The following UBR4 variants were observed in gnomAD, a reference collection of about 807,000 sequenced individuals.
The protein encoded by UBR4 is ubiquitin protein ligase E3 component n-recognin 4.
Under a neutral mutation model 575.6 loss-of-function variants are expected in UBR4, and 124 were observed. The observed-to-expected ratio is 0.22, with a 90% confidence interval of 0.19 to 0.25. The LOEUF (loss-of-function observed/expected upper bound fraction) is 0.25. Among genes scored for constraint, UBR4 ranks in the 10% least tolerant of loss-of-function variants. UBR4 has a pLI of 1.00. For synonymous variants in UBR4, 2,455 were observed against 2,473.7 expected, an observed-to-expected ratio of 0.99 and a Z score of 0.22; for missense variants, 4,818 against 6,478.8, an observed-to-expected ratio of 0.74 and a Z score of 8.80.
At chr1:19,105,230 A>C in intron 84 of UBR4, 41 bp from the exon 85 acceptor site, 1 of 1,591,192 alleles carries the variant, frequency 6.3e-7, no homozygotes, top group Non-Finnish European at 8.5e-7. Context: ...CAAGAACTCT[A>C]GCATTTCGAA....
chr1:19,087,034 G>A (rs1033243149), intron 99 of UBR4, among the ~76,000 whole-genome samples: 2 of 152,258 alleles, frequency 1.3e-5, no homozygotes, highest in Admixed American at 6.5e-5. Flanking sequence ...AAGGATTATG[G>A]GAGCAACCAG....
At chr1:19,175,460 C>T (rs1450556119) in intron 20 of UBR4, among the ~76,000 whole-genome samples, 1 of 152,196 alleles carries the variant, frequency 6.6e-6, no homozygotes, top group African/African-American at 2.4e-5. Flanking sequence ...AGTAAACTCA[C>T]ACTAAGGCTT....
At chr1:19,119,782 T>C in intron 69 of UBR4, 81 bp from the exon 70 acceptor site, 1 of 1,516,936 alleles carries the variant, frequency 6.6e-7, no homozygotes, top group Non-Finnish European at 8.9e-7. Flanking sequence ...CTCTGGTACC[T>C]CAATTTCCCC....
At chr1:19,111,505 G>T (rs2079869483) in intron 78 of UBR4, 2 of 152,356 alleles carry the variant, frequency 1.3e-5, no homozygotes, top group African/African-American at 4.8e-5. Context: ...TAGGCATGCA[G>T]CCCACTGCTG....
intron 102 of UBR4, among the ~76,000 whole-genome samples, chr1:19,083,296 C>T (rs1278548960): frequency 6.6e-6 from 1 of 152,150 alleles, no homozygotes; most frequent in South Asian, 2.1e-4. Flanking sequence ...AGCCTGTGGT[C>T]TCGAGGTCAG....
intron 103 of UBR4, 112 bp downstream of exon 103, chr1:19,081,237 A>G: frequency 1.1e-6 from 1 of 933,682 alleles, no homozygotes; most frequent in South Asian, 1.6e-5. Flanking sequence ...GCTGGTGTCA[A>G]CCACCGCAGT....
At position 19,168,337 on chromosome 1, in the gene UBR4, G is replaced by C. The variant is rs538459073; in HGVS notation, c.3742-153C>G. 6.6e-5 allele frequency among the ~76,000 whole-genome samples: 10 copies of C among 152,346 alleles called. No homozygotes were observed. The East Asian group carries it at 1.9e-3, about 29-fold the overall frequency. On this transcript the variant is annotated intron_variant, in intron 27 of 105. Coordinates refer to ENST00000375254, the MANE Select transcript of UBR4 (RefSeq NM_020765.3). ...TACACTGTTATTCATGCTGGGAAGG[G>C]AAGTGGGGTACAGAAAAGGAAGCAG...
Position 19,100,276 on chromosome 1 carries a change from C to T in UBR4, c.13221+100G>A. 3 of 1,359,130 alleles carry T rather than the reference C, an allele frequency of 2.2e-6. No homozygotes were observed. Among genetic ancestry groups the T allele is most frequent in the Non-Finnish European group, 3.1e-6 (3 of 966,886 alleles). The allele number at this position is 1,359,130 out of a possible 1,614,324, so 84.2% of individuals were successfully genotyped here. ...AGTGGAGAAACTGAAGGCCACCTGC[C>T]CCAAGTTAATCAGCTACTAGGAAGA... On this transcript the variant is annotated intron_variant, in intron 89 of 105. Transcript: ENST00000375254. This position sits in a 1 kb window ranked among gnomAD's most constrained non-coding sequence, Gnocchi z 4.2.
At chr1:19,169,157 T>C (rs74056772) in intron 27 of UBR4, among the ~76,000 whole-genome samples, 1,577 of 152,296 alleles carry the variant, frequency 0.01, 25 homozygotes, top group African/African-American at 0.036. Flanking sequence ...ATTCAATACA[T>C]TGAATCGTCA....
Position 19,110,734 on chromosome 1 carries a change from C to T in UBR4, c.11892+8G>A, listed in dbSNP as rs372384301. On this transcript the variant is annotated splice_region_variant and intron_variant, in intron 79 of 105. Coordinates refer to ENST00000375254, the MANE Select transcript of UBR4 (RefSeq NM_020765.3). The surrounding 1 kb of genome is among the most constrained non-coding windows in gnomAD (Gnocchi z 4.5). Reference sequence around the variant, plus strand: ...GAGAGGACAGCTGGGCCTGCTAGGCCGGCTCACCAGATCGGGGTTGGCCCA... The same window carrying T: ...GAGAGGACAGCTGGGCCTGCTAGGCTGGCTCACCAGATCGGGGTTGGCCCA... 227 of 1,613,788 alleles carry T rather than the reference C, an allele frequency of 1.4e-4. No homozygotes were observed. The highest frequency in any genetic ancestry group is 1.7e-4 in the Middle Eastern group (1 of 5,912).
chr1:19,099,752 T>C (rs758819219), intron 89 of UBR4, 75 bp from the exon 90 acceptor site: 27 of 1,307,048 alleles, frequency 2.1e-5, no homozygotes, highest in Non-Finnish European at 2.9e-5. Flanking sequence ...AAAGGGCACC[T>C]TACGGCAATG....
At position 19,152,289 on chromosome 1, in the gene UBR4, A is replaced by C; in HGVS notation, c.6996+24T>G. The C allele has an allele frequency of 6.2e-7, 1 of 1,612,814 alleles. No homozygotes were observed. ...TTTGAGTCCTTCTACCCAGGGATTG[A>C]TCCCAGCCCAGTGCCATTCTTACCT... On this transcript the variant is annotated intron_variant, in intron 47 of 105. Coordinates refer to ENST00000375254, the MANE Select transcript of UBR4 (RefSeq NM_020765.3). The surrounding 1 kb of genome is among the most constrained non-coding windows in gnomAD (Gnocchi z 4.4).
intron 64 of UBR4, among the ~76,000 whole-genome samples, chr1:19,124,967 G>A (rs1292726737): frequency 6.6e-6 from 1 of 151,670 alleles, no homozygotes; most frequent in Non-Finnish European, 1.5e-5. Context: ...TGGGTTGATT[G>A]TACTCTGCCT....
In UBR4 at chr1:19,094,996, G is replaced by A. The variant is rs746762401; in HGVS notation, c.13656C>T (p.Asp4552=). ...GCTCAGCCACAGCTGCACCCCCACT[G>A]TCCTTGCTTTCTTGTTCAGCTACAA... ...LALVAEQESK[D]SGGAAVAEQV... The change falls in exon 94 of 106, where the codon GAC becomes GAT. Residue 4552 remains aspartate (D), a synonymous_variant. Transcript: ENST00000375254. 5.6e-6 allele frequency: 9 copies of A among 1,614,036 alleles called. No homozygotes were observed. The highest frequency in any genetic ancestry group is 1.3e-5 in the African/African-American group (1 of 74,920).
rs1013021603 is a variant in UBR4, at chr1:19,175,025, G to A, written c.2782C>T (p.Pro928Ser). ...WSKHFSSDAV[P>S]HPRFYCVLSP... ...AGGACACAGTAGAATCTGGGGTGTG[G>A]GACAGCATCTGAAAAGTAATATGCT... is the stretch of plus-strand genomic sequence containing the variant. The change falls in exon 21 of 106, where the codon CCA becomes TCA. Residue 928 changes from proline to serine, a missense_variant. Pro to Ser is a moderately conservative substitution (Grantham distance 74). Coordinates refer to ENST00000375254, the MANE Select transcript of UBR4 (RefSeq NM_020765.3). 6.2e-7 allele frequency: 1 copy of A among 1,613,506 alleles called. No homozygotes were observed. Among genetic ancestry groups the A allele is most frequent in the Non-Finnish European group, 8.5e-7 (1 of 1,179,716 alleles).
chr1:19,107,716 C>A (rs1284862345), intron 81 of UBR4, among the ~76,000 whole-genome samples: 1 of 151,610 alleles, frequency 6.6e-6, no homozygotes, highest in Non-Finnish European at 1.5e-5. Flanking sequence ...ACCCAGGAGG[C>A]AGGGTTTGCA....
At chr1:19,201,850 T>A in intron 1 of UBR4, 35 bp from the exon 2 acceptor site, 2 of 1,590,934 alleles carry the variant, frequency 1.3e-6, no homozygotes, top group Non-Finnish European at 1.7e-6. Flanking sequence ...CAGCATCTGC[T>A]TAGCGCTTAC....
chr1:19,129,246 A>C (rs761789101), intron 60 of UBR4, among the ~76,000 whole-genome samples, 172 bp from the exon 61 acceptor site: 4 of 152,140 alleles, frequency 2.6e-5, no homozygotes, highest in Admixed American at 1.3e-4. Flanking sequence ...TCGGTATGCC[A>C]GTCAGCAACA....
rs2081227344 is a variant in UBR4, at chr1:19,121,918, G to A, written c.9895+16C>T. ...ATGAATGAATAACAGCAATCAAAAG[G>A]AGCAGCATTGCTTACAGTCATCTTT... On this transcript the variant is annotated intron_variant, in intron 67 of 105. Coordinates refer to ENST00000375254, the MANE Select transcript of UBR4 (RefSeq NM_020765.3). 6.2e-7 allele frequency: 1 copy of A among 1,613,888 alleles called. No individual in the cohort carries two copies. The highest frequency in any genetic ancestry group is 1.7e-5 in the Admixed American group (1 of 59,986).
Sources: gnomAD v4.1 joint callset for allele counts (sites outside exome capture counted in the v4.1 genomes callset) on GRCh38, gnomAD v4.1.1 for gene constraint, Gnocchi (gnomAD v3.1) non-coding constraint, MANE v1.5 for transcripts, NCBI Gene and HGNC (gene_info 2026-07-23, HGNC 2026-07-21) for gene names.